Variants in ANTXR1 observed in about 807,000 individuals in gnomAD.
ANTXR1 encodes ANTXR cell adhesion molecule 1.
Under a neutral mutation model 78.1 loss-of-function variants are expected in ANTXR1, and 19 were observed. The observed-to-expected ratio is 0.24, with a 90% CI of 0.17 to 0.36. The LOEUF is 0.36. Ranked by LOEUF, ANTXR1 falls within the 10% of genes least tolerant of loss-of-function variation. The pLI is 1.00. For missense variants in ANTXR1, 518 were observed against 718.6 expected, an observed-to-expected ratio of 0.72 and a Z score of 3.19; for synonymous variants, 273 against 260.5, an observed-to-expected ratio of 1.05 and a Z score of -0.46.
chr2:69,048,457 C>G (rs554585523), intron 3 of ANTXR1, among the ~76,000 whole-genome samples: 16 of 152,190 alleles, frequency 1.1e-4, no homozygotes, highest in Non-Finnish European at 1.6e-4. Context: ...CTGCCATTGT[C>G]CTTTTTATTA....
chr2:69,208,440 T>C (rs572199861), intron 17 of ANTXR1, among the ~76,000 whole-genome samples: 16 of 152,334 alleles, frequency 1.1e-4, no homozygotes, highest in African/African-American at 3.6e-4. Context: ...ATGCAAAATA[T>C]ACTCTGGATT....
chr2:69,066,985 A>G lies in ANTXR1; in HGVS notation c.297-3662A>G, dbSNP rs147009109. 2.0e-3 allele frequency among the ~76,000 whole-genome samples: 304 copies of G among 152,268 alleles called. 1 individual carries two copies. The highest frequency in any genetic ancestry group is 6.9e-3 in the African/African-American group (288 of 41,542). On this transcript the variant is annotated intron_variant, in intron 3 of 17. Coordinates refer to ENST00000303714, the MANE Select transcript of ANTXR1 (RefSeq NM_032208.3). ...CTCAGAGAGGTTCTTATCATCCCCT[A>G]AAAGATCTTTCTCCCAATCTCCTTC...
Position 69,102,912 on chromosome 2 carries a change from C to T in ANTXR1, c.774C>T (p.Ser258=). Residue 258 remains serine (S), a synonymous_variant, in exon 10 of 18, where the codon AGC becomes AGT. Transcript: ENST00000303714. ...GCAACGTGGACAGGGTCCTCTGCAG[C>T]TTCAAGATCAATGACTCGGTCACAC... ...HARNVDRVLC[S]FKINDSVTLN... 6.2e-7 allele frequency: 1 copy of T among 1,614,190 alleles called. No individual in the cohort carries two copies. Among genetic ancestry groups the T allele is most frequent in the African/African-American group, 1.3e-5 (1 of 75,056 alleles).
intron 1 of ANTXR1, among the ~76,000 whole-genome samples, chr2:69,029,530 T>C (rs1301350761): frequency 6.6e-6 from 1 of 151,442 alleles, no homozygotes; most frequent in Non-Finnish European, 1.5e-5. Flanking sequence ...TCTTAAAATA[T>C]AAGAATAGAA....
intron 17 of ANTXR1, among the ~76,000 whole-genome samples, chr2:69,233,314 A>G (rs924688962): frequency 1.3e-5 from 2 of 152,054 alleles, no homozygotes; most frequent in African/African-American, 4.8e-5. Context: ...TCACAACAAA[A>G]GAAACATGGC....
intron 1 of ANTXR1, among the ~76,000 whole-genome samples, chr2:69,017,902 AC>A (rs554780301): frequency 2.6e-5 from 4 of 151,198 alleles, no homozygotes; most frequent in African/African-American, 7.3e-5. Flanking sequence ...CTCTCACAGC[AC>A]CCCCCCACCC....
chr2:69,201,900 G>T (rs1674781670), intron 17 of ANTXR1, among the ~76,000 whole-genome samples: 1 of 152,152 alleles, frequency 6.6e-6, no homozygotes, highest in African/African-American at 2.4e-5. Flanking sequence ...AAGCATGAAG[G>T]CATCTAGGGC....
At chr2:69,181,094 G>A (rs1674264990) in intron 14 of ANTXR1, among the ~76,000 whole-genome samples, 1 of 152,218 alleles carries the variant, frequency 6.6e-6, no homozygotes, top group Non-Finnish European at 1.5e-5. Context: ...GCTGGCGTTT[G>A]CACTTACTCT....
At chr2:69,156,855 C>T (rs544800960) in intron 13 of ANTXR1, among the ~76,000 whole-genome samples, 19 of 152,348 alleles carry the variant, frequency 1.2e-4, no homozygotes, top group African/African-American at 4.1e-4. Flanking sequence ...AATCACCTCC[C>T]ACTAGGCCCC....
chr2:69,034,308 G>A (rs1234164539), intron 1 of ANTXR1, among the ~76,000 whole-genome samples: 1 of 152,226 alleles, frequency 6.6e-6, no homozygotes, highest in Admixed American at 6.5e-5. Context: ...TCAGATGGTA[G>A]TGTGGGAGGA....
At chr2:69,045,454 G>C (rs1669735323) in intron 3 of ANTXR1, among the ~76,000 whole-genome samples, 1 of 152,186 alleles carries the variant, frequency 6.6e-6, no homozygotes, top group African/African-American at 2.4e-5. Flanking sequence ...AGAGTGGAGA[G>C]GATAGTCTTC....
intron 1 of ANTXR1, among the ~76,000 whole-genome samples, chr2:69,025,435 C>T (rs1445193993): frequency 6.6e-6 from 1 of 152,010 alleles, no homozygotes; most frequent in East Asian, 1.9e-4. Context: ...CCTGTTTTTC[C>T]CCTGATGCTT....
chr2:69,193,385 G>T lies in ANTXR1; in HGVS notation c.1404G>T (p.Val468=), dbSNP rs1181479383. 2 of 1,613,758 alleles carry T rather than the reference G, an allele frequency of 1.2e-6. No homozygotes were observed. Among genetic ancestry groups the T allele is most frequent in the Admixed American group, 3.3e-5 (2 of 59,988 alleles). Reference sequence around the variant, plus strand: ...TACTGAGGAAAGGATATGATCGTGTGTCTGTGATGCGTCCACAGCCAGGAG... The same window carrying T: ...TACTGAGGAAAGGATATGATCGTGTTTCTGTGATGCGTCCACAGCCAGGAG... ...WVLLRKGYDR[V]SVMRPQPGDT... Residue 468 remains valine (V), a synonymous_variant, in exon 17 of 18, where the codon GTG becomes GTT. Transcript: ENST00000303714.
At chr2:69,211,550 G>A (rs1466770038) in intron 17 of ANTXR1, among the ~76,000 whole-genome samples, 1 of 152,250 alleles carries the variant, frequency 6.6e-6, no homozygotes, top group Non-Finnish European at 1.5e-5. Context: ...CTGTTCATAG[G>A]TGTCAAATAC....
intron 12 of ANTXR1, chr2:69,145,572 C>T: frequency 7.2e-7 from 1 of 1,387,166 alleles, no homozygotes; most frequent in Non-Finnish European, 9.3e-7. Context: ...CCTTAACCAA[C>T]AGTTTTCAAG....
At chr2:69,141,893 C>A (rs903693919) in intron 12 of ANTXR1, among the ~76,000 whole-genome samples, 5 of 152,144 alleles carry the variant, frequency 3.3e-5, no homozygotes, top group Non-Finnish European at 7.3e-5. Context: ...CCACTGATAC[C>A]CCCAAATAGA....
chr2:69,244,791 T>C (rs1348300836), intron 17 of ANTXR1, among the ~76,000 whole-genome samples: 1 of 152,210 alleles, frequency 6.6e-6, no homozygotes, highest in East Asian at 1.9e-4. Flanking sequence ...TTCTGGAGTC[T>C]ATTTTGGGTT....
At chr2:69,083,297 C>A (rs1366918776) in intron 8 of ANTXR1, among the ~76,000 whole-genome samples, 1 of 152,222 alleles carries the variant, frequency 6.6e-6, no homozygotes, top group Non-Finnish European at 1.5e-5. Context: ...TTTTCCAGGG[C>A]TAGCAGATGG....
intron 10 of ANTXR1, among the ~76,000 whole-genome samples, chr2:69,115,832 G>A (rs1046536386): frequency 6.6e-6 from 1 of 152,222 alleles, no homozygotes; most frequent in Non-Finnish European, 1.5e-5. Context: ...AAGGTGAGTT[G>A]TGAGCGAGGG....
Sources: allele counts gnomAD v4.1 joint callset (sites outside exome capture counted in the v4.1 genomes callset), GRCh38; gene constraint gnomAD v4.1.1; transcripts MANE v1.5; gene names NCBI Gene and HGNC (gene_info 2026-07-23, HGNC 2026-07-21).